The following TRIP13 variants were observed in gnomAD, a reference collection of about 807,000 sequenced individuals.
The protein encoded by TRIP13 is thyroid hormone receptor interactor 13, also known as pachytene checkpoint protein 2 homolog.
In TRIP13, 25 loss-of-function variants were observed where a neutral mutation model predicts 54.4. The observed-to-expected ratio is 0.46, with a 90% confidence interval of 0.33 to 0.64. TRIP13 has a LOEUF of 0.64. Among genes scored for constraint, TRIP13 ranks in the 30% least tolerant of loss-of-function variants. TRIP13 has a pLI of 0.02. For missense variants in TRIP13, 373 were observed against 534.2 expected (o/e 0.70, Z 2.97); for synonymous variants, 207 against 207.8 (o/e 1.00, Z 0.03).
intron 9 of TRIP13, among the ~76,000 whole-genome samples, chr5:909,555 G>C (rs1379737622): frequency 1.3e-5 from 2 of 152,070 alleles, no homozygotes; most frequent in Non-Finnish European, 2.9e-5. Flanking sequence ...CAGCTCGGTC[G>C]GGGAGACCCT....
chr5:911,817 T>C lies in TRIP13; in HGVS notation c.867-26T>C, dbSNP rs375276223. On this transcript the variant is annotated intron_variant, in intron 9 of 12. Transcript: ENST00000166345. This position sits in a 1 kb window ranked among gnomAD's most constrained non-coding sequence, Gnocchi z 4.7. ...GGGTCACCGACAGCCGTGATGACTG[T>C]GGTGCTTGCTTCTCGGCCACAACAG... 5.6e-6 allele frequency: 9 copies of C among 1,599,300 alleles called. No homozygotes were observed. The highest frequency in any genetic ancestry group is 7.7e-6 in the Non-Finnish European group (9 of 1,172,522).
At position 913,511 on chromosome 5, in the gene TRIP13, A is replaced by G. The variant is rs946044587; in HGVS notation, c.1021-954A>G. Among the ~76,000 whole-genome samples the G allele has an allele frequency of 7.9e-5, 12 of 152,162 alleles. No individual in the cohort carries two copies. Among genetic ancestry groups the G allele is most frequent in the African/African-American group, 2.9e-4 (12 of 41,432 alleles). The stretch of plus-strand genomic sequence containing the variant: ...GCTGGGATTACAGGTGCATGCCACC[A>G]CACCTGGCTAATTTTTGTATTTTCA... On this transcript the variant is annotated intron_variant, in intron 10 of 12. Transcript: ENST00000166345. This position sits in a 1 kb window ranked among gnomAD's most constrained non-coding sequence, Gnocchi z 4.5.
In TRIP13 at chr5:912,140, T is replaced by C; in HGVS notation, c.1020+144T>C. ...CCCTTCTTAAATTGAAAACTAGTTT[T>C]GTATGTGACAGGTTGAGCTGATAGT... On this transcript the variant is annotated intron_variant, in intron 10 of 12. Transcript: ENST00000166345. This position sits in a 1 kb window ranked among gnomAD's most constrained non-coding sequence, Gnocchi z 7.2. 1 of 1,123,806 alleles carries C rather than the reference T, an allele frequency of 8.9e-7. No homozygotes were observed. The highest frequency in any genetic ancestry group is 1.2e-6 in the Non-Finnish European group (1 of 810,116). 69.6% of individuals were successfully genotyped at this position (1,123,806 alleles called of 1,614,324 possible).
chr5:901,558 G>A, intron 5 of TRIP13, 127 bp downstream of exon 5: 2 of 776,400 alleles, frequency 2.6e-6, no homozygotes, highest in Non-Finnish European at 2.1e-6. Context: ...GTCCTAGAAT[G>A]TCCCCTCTCT....
Position 906,240 on chromosome 5 carries a change from G to A in TRIP13, c.609-890G>A, listed in dbSNP as rs141491699. Among the ~76,000 whole-genome samples, 120 of 152,238 alleles carry A rather than the reference G, an allele frequency of 7.9e-4. 2 individuals are homozygous for A. Among genetic ancestry groups the A allele is most frequent in the African/African-American group, 2.7e-3 (114 of 41,538 alleles). ...GGGCAGAGAGGGCAACACAAGAGAA[G>A]GAAAATGTTATTGTAAGGAATATAG... On this transcript the variant is annotated intron_variant, in intron 6 of 12. Coordinates refer to ENST00000166345, the MANE Select transcript of TRIP13 (RefSeq NM_004237.4).
Position 912,241 on chromosome 5 carries a change from C to T in TRIP13, c.1020+245C>T, listed in dbSNP as rs1160812797. 6.6e-6 allele frequency among the ~76,000 whole-genome samples: 1 copy of T among 152,014 alleles called. No individual in the cohort carries two copies. The highest frequency in any genetic ancestry group is 1.5e-5 in the Non-Finnish European group (1 of 68,010). ...TCATCATTGTTCATTATTTGAGGTA[C>T]CAGTCAGTGTAGGGGACGTCAGTGA... On this transcript the variant is annotated intron_variant, in intron 10 of 12. Coordinates refer to ENST00000166345, the MANE Select transcript of TRIP13 (RefSeq NM_004237.4). This position sits in a 1 kb window ranked among gnomAD's most constrained non-coding sequence, Gnocchi z 7.2.
chr5:906,277 A>G (rs569677740), intron 6 of TRIP13, among the ~76,000 whole-genome samples: 5 of 150,384 alleles, frequency 3.3e-5, no homozygotes, highest in South Asian at 4.2e-4. Context: ...TTTTTCCAGT[A>G]CAAAGATCTG....
At position 901,442 on chromosome 5, in the gene TRIP13, C is replaced by G; in HGVS notation, c.535+11C>G. The G allele has an allele frequency of 6.2e-7, 1 of 1,613,018 alleles. No individual in the cohort carries two copies. The highest frequency in any genetic ancestry group is 1.3e-5 in the African/African-American group (1 of 74,990). On this transcript the variant is annotated intron_variant, in intron 5 of 12. Transcript: ENST00000166345. Reference sequence around the variant, plus strand: ...TGGTGCTGCTCCACGGTAAATTATGCAGGCTTTTATTTGACCAGATAAGTG... The same window carrying G: ...TGGTGCTGCTCCACGGTAAATTATGGAGGCTTTTATTTGACCAGATAAGTG...
chr5:919,220 G>A (rs1754385627), downstream of TRIP13: 1 of 152,208 alleles, frequency 6.6e-6, no homozygotes, highest in Non-Finnish European at 1.5e-5. Context: ...AGGACACCAA[G>A]GTCATGGAGG....
chr5:900,483 T>A lies in TRIP13; in HGVS notation c.389-11T>A. On this transcript the variant is annotated splice_polypyrimidine_tract_variant and intron_variant, in intron 3 of 12. Transcript: ENST00000166345. ...TTCCTGAAATCAGGTCTTTGTTTAA[T>A]TCTGTCACAGCTGAATTCCATGGGC... 6.2e-7 allele frequency: 1 copy of A among 1,613,392 alleles called. No individual in the cohort carries two copies. Among genetic ancestry groups the A allele is most frequent in the Non-Finnish European group, 8.5e-7 (1 of 1,179,874 alleles).
rs543738879 is a variant in TRIP13, at chr5:911,008, C to A, written c.867-835C>A. Among the ~76,000 whole-genome samples the A allele has an allele frequency of 1.3e-5, 2 of 152,274 alleles. No homozygotes were observed. Among genetic ancestry groups the A allele is most frequent in the Non-Finnish European group, 2.9e-5 (2 of 68,044 alleles). ...GGTAGCACTGCCACATGTGCAGCCA[C>A]GCCCCCCAGGCCTGTGCAGCATGCT... On this transcript the variant is annotated intron_variant, in intron 9 of 12. Transcript: ENST00000166345. The surrounding 1 kb of genome is among the most constrained non-coding windows in gnomAD (Gnocchi z 4.7).
At chr5:904,020 T>C (rs982420862) in intron 5 of TRIP13, 128 bp from the exon 6 acceptor site, 4 of 758,930 alleles carry the variant, frequency 5.3e-6, no homozygotes, top group Admixed American at 6.7e-5. Context: ...CAGACTTCAT[T>C]GTAGTAATAA....
downstream of TRIP13, chr5:919,185 C>A (rs1579207256): frequency 2.0e-5 from 3 of 152,332 alleles, no homozygotes; most frequent in East Asian, 5.8e-4. Context: ...GACCCCAGCT[C>A]CAGTATCACT....
At position 904,224 on chromosome 5, in the gene TRIP13, A is replaced by C. The variant is rs1284496137; in HGVS notation, c.608+4A>C. On this transcript the variant is annotated splice_donor_region_variant and intron_variant, in intron 6 of 12. Coordinates refer to ENST00000166345, the MANE Select transcript of TRIP13 (RefSeq NM_004237.4). Reference sequence around the variant, plus strand: ...TGACAATTAGACTTTCAAGCAGGTAACTTTCGGTAATCTGTGAGAGGAGAG... The same window carrying C: ...TGACAATTAGACTTTCAAGCAGGTACCTTTCGGTAATCTGTGAGAGGAGAG... 1 of 1,606,210 alleles carries C rather than the reference A, an allele frequency of 6.2e-7. No homozygotes were observed. Among genetic ancestry groups the C allele is most frequent in the Non-Finnish European group, 8.5e-7 (1 of 1,177,564 alleles).
At chr5:904,084 G>A (rs1241861906) in intron 5 of TRIP13, 64 bp from the exon 6 acceptor site, 3 of 1,452,678 alleles carry the variant, frequency 2.1e-6, no homozygotes, top group Non-Finnish European at 2.8e-6. Context: ...GGAAGTTACT[G>A]TTGTTTTAAG....
Position 908,556 on chromosome 5 carries a change from C to G in TRIP13, c.866+95C>G, listed in dbSNP as rs1754165701. 6.4e-7 allele frequency: 1 copy of G among 1,554,936 alleles called. No individual in the cohort carries two copies. Among genetic ancestry groups the G allele is most frequent in the South Asian group, 1.1e-5 (1 of 87,064 alleles). ...TTGTGCAACCCTAGATCTTAGTGCC[C>G]AGCTCTTTCACCGGAAAGTGCATTT... is the stretch of plus-strand genomic sequence containing the variant. On this transcript the variant is annotated intron_variant, in intron 9 of 12. Coordinates refer to ENST00000166345, the MANE Select transcript of TRIP13 (RefSeq NM_004237.4). The surrounding 1 kb of genome is among the most constrained non-coding windows in gnomAD (Gnocchi z 5.2).
Position 893,400 on chromosome 5 carries a change from C to T in TRIP13, c.92+310C>T, listed in dbSNP as rs887744520. ...TGACCCTGCCCCTGCCCCGGCTGTC[C>T]TCCAGTGCATTGATGTGGCCCTGAG... is the stretch of plus-strand genomic sequence containing the variant. On this transcript the variant is annotated intron_variant, in intron 1 of 12. Coordinates refer to ENST00000166345, the MANE Select transcript of TRIP13 (RefSeq NM_004237.4). 5.3e-5 allele frequency among the ~76,000 whole-genome samples: 8 copies of T among 152,206 alleles called. No homozygotes were observed. The East Asian group carries it at 1.3e-3, about 26-fold the overall frequency.
Position 908,006 on chromosome 5 carries a change from A to G in TRIP13, c.691A>G (p.Lys231Glu). 1 of 1,614,234 alleles carries G rather than the reference A, an allele frequency of 6.2e-7. No homozygotes were observed. Among genetic ancestry groups the G allele is most frequent in the Non-Finnish European group, 8.5e-7 (1 of 1,180,036 alleles). ...GTTCCAGAGTGGCAAGCTGGTAACC[A>G]AGATGTTTCAGAAGATTCAGGATTT... ...WFSESGKLVTKMFQKIQDLID... is the reference protein window; with the variant it reads ...WFSESGKLVTEMFQKIQDLID... Residue 231 changes from lysine to glutamate, a missense_variant, in exon 8 of 13, where the codon AAG (lysine) becomes GAG (glutamate). Physicochemically the swap from Lys to Glu is moderately conservative, Grantham distance 56. This residue lies in a region of TRIP13 where 119 missense variants were observed against 223.0 expected (regional missense o/e 0.53). Coordinates refer to ENST00000166345, the MANE Select transcript of TRIP13 (RefSeq NM_004237.4). This position sits in a 1 kb window ranked among gnomAD's most constrained non-coding sequence, Gnocchi z 5.2.
chr5:895,015 T>C (rs1753885466), intron 2 of TRIP13, 63 bp downstream of exon 2: 2 of 1,507,998 alleles, frequency 1.3e-6, no homozygotes, highest in Non-Finnish European at 1.8e-6. Context: ...GTATCATGAA[T>C]GTCTTGCCGT....
Sources: allele counts gnomAD v4.1 joint callset (sites outside exome capture counted in the v4.1 genomes callset), GRCh38; gene constraint gnomAD v4.1.1; regional missense constraint gnomAD v4.1.1; non-coding constraint Gnocchi (gnomAD v3.1); transcripts MANE v1.5; gene names NCBI Gene and HGNC (gene_info 2026-07-23, HGNC 2026-07-21).